Variants in WDR27 observed in about 807,000 individuals in gnomAD.
WDR27 encodes the protein WD repeat-containing protein 27.
WDR27 carries 100 observed loss-of-function variants against 114.4 expected under a neutral mutation model. The observed-to-expected ratio is 0.87, with a 90% CI of 0.74 to 1.03. WDR27 has a LOEUF of 1.03. Ranked by LOEUF, WDR27 falls within the 50% of genes least tolerant of loss-of-function variation. The probability of loss-of-function intolerance (pLI) is 0.00; values close to 1 mark genes in which losing one functional copy is unlikely to be tolerated. For missense variants in WDR27, 1,129 were observed against 1,092.9 expected (o/e 1.03, Z -0.47); for synonymous variants, 449 against 423.1 (o/e 1.06, Z -0.75).
In WDR27 at chr6:169,644,766, T is replaced by G. The variant is rs964193835; in HGVS notation, c.1658-980A>C. Among the ~76,000 whole-genome samples the G allele has an allele frequency of 9.6e-5, 6 of 62,298 alleles. 1 individual carries two copies. Among genetic ancestry groups the G allele is most frequent in the Non-Finnish European group, 1.7e-4 (6 of 35,680 alleles). 40.9% of individuals were successfully genotyped at this position (62,298 alleles called of 152,430 possible). On this transcript the variant is annotated intron_variant, in intron 16 of 25. Transcript: ENST00000448612. ...GGCTCACGCCTGTAATCCCAGCACT[T>G]TGGGAGGCCGAGGCGGGCGGATCAC...
At chr6:169,513,410 C>T (rs899651991) in intron 25 of WDR27, among the ~76,000 whole-genome samples, 4 of 152,136 alleles carry the variant, frequency 2.6e-5, no homozygotes, top group African/African-American at 9.7e-5. Flanking sequence ...CAGATGCCCA[C>T]CTCTCGAGGA....
At chr6:169,435,838 G>A in the WDR27 span, among the ~76,000 whole-genome samples, 4 of 152,212 alleles carry the variant, frequency 2.6e-5, no homozygotes, top group Non-Finnish European at 4.4e-5. Flanking sequence ...GGGAAGGCAT[G>A]ATTGGTTTTG....
At chr6:169,625,404 C>T (rs1183792400) in intron 21 of WDR27, among the ~76,000 whole-genome samples, 1 of 152,228 alleles carries the variant, frequency 6.6e-6, no homozygotes, top group Non-Finnish European at 1.5e-5. Context: ...AGTCCAACTA[C>T]TGAGAGGCCA....
At chr6:169,528,568 C>A (rs1425618041) in intron 25 of WDR27, among the ~76,000 whole-genome samples, 1 of 152,162 alleles carries the variant, frequency 6.6e-6, no homozygotes, top group Non-Finnish European at 1.5e-5. Context: ...GCTCTGTCAC[C>A]CAGGCTGGAG....
At chr6:169,516,818 C>CACAT (rs1554278320) in intron 25 of WDR27, among the ~76,000 whole-genome samples, 2 of 151,500 alleles carry the variant, frequency 1.3e-5, no homozygotes, top group Non-Finnish European at 2.9e-5. Context: ...CACACACACA[C>CACAT]ACACACACAC....
chr6:169,510,668 TA>T, intron 25 of WDR27, among the ~76,000 whole-genome samples: 1 of 149,382 alleles, frequency 6.7e-6, no homozygotes, highest in Non-Finnish European at 1.5e-5. Flanking sequence ...CATTAGGAGA[TA>T]TACCTAATGC....
chr6:169,528,773 C>A (rs571675847), intron 25 of WDR27, among the ~76,000 whole-genome samples: 1 of 152,172 alleles, frequency 6.6e-6, no homozygotes, highest in African/African-American at 2.4e-5. Context: ...GTGATCCGCC[C>A]GCTTCAGCCT....
At chr6:169,507,400 T>A (rs770791323) in intron 25 of WDR27, among the ~76,000 whole-genome samples, 2 of 152,230 alleles carry the variant, frequency 1.3e-5, no homozygotes, top group Non-Finnish European at 2.9e-5. Context: ...ACGCTCTGCT[T>A]CATAGATGTT....
In WDR27 at chr6:169,513,850, G is replaced by T. The variant is rs377052085; in HGVS notation, c.2646-56216C>A. On this transcript the variant is annotated intron_variant, in intron 25 of 25. Transcript: ENST00000448612. ...ATAGACATGGGCACAGCCCTAAAGA[G>T]AAAATGTCTCTGCTGTCATTACTCA... Among the ~76,000 whole-genome samples, 20 of 152,174 alleles carry T rather than the reference G, an allele frequency of 1.3e-4. No homozygotes were observed. In the South Asian group the frequency reaches 2.5e-3, roughly 19 times the overall value.
intron 3 of WDR27, 132 bp downstream of exon 3, chr6:169,672,122 AC>A: frequency 1.1e-6 from 1 of 897,454 alleles, no homozygotes. Context: ...TAAAGAGAGT[AC>A]AAAATTATCC....
intron 1 of WDR27, among the ~76,000 whole-genome samples, chr6:169,699,566 C>A (rs900477839): frequency 2.0e-5 from 3 of 152,182 alleles, no homozygotes; most frequent in Non-Finnish European, 4.4e-5. Flanking sequence ...GGGCTCAGGG[C>A]TGACTGCCTG....
intron 25 of WDR27, among the ~76,000 whole-genome samples, chr6:169,499,495 C>G (rs983501708): frequency 6.6e-6 from 1 of 152,172 alleles, no homozygotes; most frequent in Non-Finnish European, 1.5e-5. Context: ...TCCTGGAATA[C>G]GATCAGAAAA....
At chr6:169,686,577 A>C (rs1363108634) in intron 2 of WDR27, among the ~76,000 whole-genome samples, 1 of 152,194 alleles carries the variant, frequency 6.6e-6, no homozygotes, top group African/African-American at 2.4e-5. Flanking sequence ...AAATATATTC[A>C]TGCAAATGGA....
intron 16 of WDR27, among the ~76,000 whole-genome samples, chr6:169,644,747 C>T (rs1281593767): frequency 1.7e-5 from 1 of 58,520 alleles, no homozygotes; most frequent in Non-Finnish European, 2.9e-5. Flanking sequence ...CGGTGGCTCA[C>T]GCCTGTAATC....
chr6:169,640,906 G>A (rs182851224), intron 17 of WDR27, among the ~76,000 whole-genome samples: 71 of 152,278 alleles, frequency 4.7e-4, no homozygotes, highest in African/African-American at 1.6e-3. Context: ...TGAGACTGAG[G>A]ATGTGTTTTC....
downstream of WDR27, among the ~76,000 whole-genome samples, chr6:169,455,558 T>G (rs1008704348): frequency 2.0e-5 from 3 of 152,324 alleles, no homozygotes; most frequent in Non-Finnish European, 4.4e-5. Flanking sequence ...CTCTAAGGCA[T>G]CCACTCACAG....
At chr6:169,472,382 C>A (rs559574256) in intron 25 of WDR27, among the ~76,000 whole-genome samples, 10 of 152,276 alleles carry the variant, frequency 6.6e-5, no homozygotes, top group African/African-American at 1.9e-4. Flanking sequence ...TCTATAGTTT[C>A]TGTGCAGTGA....
At chr6:169,682,679 A>G (rs1412265739) in intron 2 of WDR27, among the ~76,000 whole-genome samples, 2 of 152,194 alleles carry the variant, frequency 1.3e-5, no homozygotes, top group African/African-American at 4.8e-5. Flanking sequence ...CCACATGTCC[A>G]CAAGCATCAG....
chr6:169,662,539 C>T (rs1298697286), intron 8 of WDR27, 115 bp from the exon 9 acceptor site: 25 of 1,347,778 alleles, frequency 1.9e-5, no homozygotes, highest in African/African-American at 4.3e-5. Flanking sequence ...TGGAGTCACT[C>T]GGATCACGCG....
Sources: allele counts gnomAD v4.1 joint callset (sites outside exome capture counted in the v4.1 genomes callset), GRCh38; gene constraint gnomAD v4.1.1; transcripts MANE v1.5; gene names NCBI Gene and HGNC (gene_info 2026-07-23, HGNC 2026-07-21).